The following DPYD variants were observed in gnomAD, a reference collection of about 807,000 sequenced individuals.
The protein encoded by DPYD is dihydropyrimidine dehydrogenase, also known as dihydropyrimidine dehydrogenase [NADP(+)].
DPYD carries 109 observed loss-of-function variants against 116.2 expected under a neutral mutation model. The observed-to-expected ratio is 0.94, with a 90% CI of 0.80 to 1.10. DPYD has a LOEUF of 1.10. Ranked by LOEUF, DPYD falls within the 50% of genes least tolerant of loss-of-function variation. DPYD has a pLI of 0.00. For missense variants in DPYD, 1,302 were observed against 1,254.5 expected, an observed-to-expected ratio of 1.04 and a Z score of -0.57; for synonymous variants, 440 against 432.0, an observed-to-expected ratio of 1.02 and a Z score of -0.23.
rs759424419 is a variant in DPYD, at chr1:97,515,774, A to T, written c.1692T>A (p.Phe564Leu). 10 of 1,612,932 alleles carry T rather than the reference A, an allele frequency of 6.2e-6. 1 individual carries two copies. In the South Asian group the frequency reaches 1.1e-4, roughly 18 times the overall value. ...TGAGGGCAAAACCCCATCCAGCTTC[A>T]AAAGCTCTTCGAATCATTGATGTGC... The part of the protein sequence containing the change: ...ATSTSMIRRA[F>L]EAGWGFALTK... Residue 564 changes from phenylalanine to leucine, a missense_variant, in exon 13 of 23, where the codon TTT becomes TTA. Phe to Leu is a conservative substitution (Grantham distance 22). Coordinates refer to ENST00000370192, the MANE Select transcript of DPYD (RefSeq NM_000110.4).
At chr1:97,198,752 T>C (rs1658995282) in intron 19 of DPYD, among the ~76,000 whole-genome samples, 1 of 152,198 alleles carries the variant, frequency 6.6e-6, no homozygotes, top group Non-Finnish European at 1.5e-5. Context: ...GGCTGGTTTA[T>C]CTTTCTTCAC....
intron 21 of DPYD, among the ~76,000 whole-genome samples, chr1:97,093,777 T>G (rs2101584120): frequency 6.6e-6 from 1 of 152,274 alleles, no homozygotes; most frequent in Middle Eastern, 3.4e-3. Context: ...TGAAGACATT[T>G]TTATGGTCAC....
intron 16 of DPYD, among the ~76,000 whole-genome samples, chr1:97,343,370 T>A (rs1004374036): frequency 1.3e-5 from 2 of 152,126 alleles, no homozygotes; most frequent in African/African-American, 4.8e-5. Context: ...CAAGTCAGTA[T>A]GAGGGTCTCT....
chr1:97,626,337 T>C (rs1279204407), intron 8 of DPYD, among the ~76,000 whole-genome samples: 1 of 152,054 alleles, frequency 6.6e-6, no homozygotes, highest in African/African-American at 2.4e-5. Context: ...AGAAAATTCA[T>C]ATAAATATTC....
chr1:97,167,860 A>ATT (rs1656439675), intron 20 of DPYD, among the ~76,000 whole-genome samples: 4 of 152,194 alleles, frequency 2.6e-5, no homozygotes, highest in Non-Finnish European at 5.9e-5. Context: ...TGCATTTTAA[A>ATT]GTAGTTATTT....
intron 14 of DPYD, among the ~76,000 whole-genome samples, chr1:97,417,025 T>C (rs572462317): frequency 1.1e-4 from 16 of 152,334 alleles, no homozygotes; most frequent in Non-Finnish European, 1.6e-4. Context: ...AATATGTTCC[T>C]TTTTAAAATT....
At chr1:97,921,036 G>A (rs1280657608), upstream of DPYD, 9 of 1,363,054 alleles carry the variant, frequency 6.6e-6, no homozygotes, top group Middle Eastern at 3.8e-4. Context: ...AGGCAGACTA[G>A]GGCCGGCGGC....
chr1:97,804,123 T>G (rs1018385963), intron 3 of DPYD, among the ~76,000 whole-genome samples: 1 of 151,812 alleles, frequency 6.6e-6, no homozygotes, highest in Non-Finnish European at 1.5e-5. Context: ...TGTTGTTATA[T>G]TAAACGTTAT....
chr1:97,346,236 T>C (rs766644445), intron 16 of DPYD, among the ~76,000 whole-genome samples: 118 of 151,816 alleles, frequency 7.8e-4, no homozygotes, highest in Non-Finnish European at 1.4e-3. Flanking sequence ...TACAAAGTAT[T>C]CCACTGTATA....
intron 14 of DPYD, among the ~76,000 whole-genome samples, chr1:97,428,601 G>C (rs543868391): frequency 1.1e-4 from 16 of 152,036 alleles, no homozygotes; most frequent in African/African-American, 3.9e-4. Context: ...AGGCAGCTAA[G>C]ACTAAGAAAT....
chr1:97,882,017 A>T (rs1672250097), intron 2 of DPYD, among the ~76,000 whole-genome samples: 1 of 151,432 alleles, frequency 6.6e-6, no homozygotes, highest in South Asian at 2.1e-4. Context: ...AATAATAATA[A>T]AAAAAAGAAA....
chr1:97,464,747 C>A (rs1023897844), intron 13 of DPYD, among the ~76,000 whole-genome samples: 1 of 152,162 alleles, frequency 6.6e-6, no homozygotes, highest in Non-Finnish European at 1.5e-5. Context: ...TGCTTGGATG[C>A]CCAGGGCAGC....
intron 20 of DPYD, among the ~76,000 whole-genome samples, chr1:97,166,140 T>C (rs1463582290): frequency 6.6e-6 from 1 of 152,206 alleles, no homozygotes; most frequent in East Asian, 1.9e-4. Context: ...ATAAGGTATG[T>C]TCATTACAAC....
At chr1:97,799,441 G>C (rs1019886964) in intron 3 of DPYD, among the ~76,000 whole-genome samples, 3 of 151,594 alleles carry the variant, frequency 2.0e-5, no homozygotes, top group Non-Finnish European at 4.4e-5. Context: ...AGATATACCC[G>C]CATGAATAAG....
At chr1:97,345,710 T>G (rs1221950360) in intron 16 of DPYD, among the ~76,000 whole-genome samples, 1 of 151,946 alleles carries the variant, frequency 6.6e-6, no homozygotes, top group Non-Finnish European at 1.5e-5. Flanking sequence ...AGATGAATGC[T>G]GTTATTAACC....
intron 8 of DPYD, among the ~76,000 whole-genome samples, chr1:97,638,274 G>C (rs755940827): frequency 3.3e-5 from 5 of 152,092 alleles, no homozygotes; most frequent in Admixed American, 6.6e-5. Context: ...ACAGACATAT[G>C]TACATTGGCA....
chr1:97,336,064 A>G (rs534121911), intron 16 of DPYD, among the ~76,000 whole-genome samples: 3 of 152,338 alleles, frequency 2.0e-5, no homozygotes, highest in Non-Finnish European at 2.9e-5. Context: ...TTCCTTATAA[A>G]GAATATTCAT....
chr1:97,781,674 C>T (rs1246441091), intron 3 of DPYD, among the ~76,000 whole-genome samples: 1 of 152,090 alleles, frequency 6.6e-6, no homozygotes, highest in Non-Finnish European at 1.5e-5. Flanking sequence ...ACACACCTTC[C>T]AAAACTGTGG....
chr1:97,422,691 T>A (rs1674654070), intron 14 of DPYD, among the ~76,000 whole-genome samples: 1 of 152,026 alleles, frequency 6.6e-6, no homozygotes, highest in Non-Finnish European at 1.5e-5. Context: ...GGACCAGGAA[T>A]TGGACTAGAT....
Sources: allele counts gnomAD v4.1 joint callset (sites outside exome capture counted in the v4.1 genomes callset), GRCh38; gene constraint gnomAD v4.1.1; transcripts MANE v1.5; gene names NCBI Gene and HGNC (gene_info 2026-07-23, HGNC 2026-07-21).